The following CAMTA1 variants were observed in gnomAD, a reference collection of about 807,000 sequenced individuals.
The protein encoded by CAMTA1 is calmodulin binding transcription activator 1.
Under a neutral mutation model 170.9 loss-of-function variants are expected in CAMTA1, and 27 were observed. That is an observed-to-expected ratio of 0.16 (90% CI 0.12 to 0.22). CAMTA1 has a LOEUF of 0.22. Among genes scored for constraint, CAMTA1 ranks in the 10% least tolerant of loss-of-function variants. CAMTA1 has a pLI of 1.00. For synonymous variants in CAMTA1, 833 were observed against 891.5 expected, an observed-to-expected ratio of 0.93 and a Z score of 1.17; for missense variants, 1,619 against 2,217.2, an observed-to-expected ratio of 0.73 and a Z score of 5.42.
At position 7,255,172 on chromosome 1, in the gene CAMTA1, G is replaced by C. The variant is rs146126220; in HGVS notation, c.438+5546G>C. Among the ~76,000 whole-genome samples the C allele has an allele frequency of 1.4e-4, 21 of 152,226 alleles. No homozygotes were observed. In the East Asian group the frequency reaches 3.9e-3, roughly 28 times the overall value. Reference sequence around the variant, plus strand: ...GGCTAGGAGAGGGAGAGCATTAGGAGAAATACCTAATGTAGATGACAGGTT... The same window carrying C: ...GGCTAGGAGAGGGAGAGCATTAGGACAAATACCTAATGTAGATGACAGGTT... On this transcript the variant is annotated intron_variant, in intron 5 of 22. Transcript: ENST00000303635.
chr1:7,289,085 G>A (rs1221209187), intron 5 of CAMTA1, among the ~76,000 whole-genome samples: 1 of 152,002 alleles, frequency 6.6e-6, no homozygotes, highest in Non-Finnish European at 1.5e-5. Context: ...AGAGAGGGGA[G>A]GGAGGTGCCA....
rs78223869 is a variant in CAMTA1 at position 6,883,308 on chromosome 1, T to C, written c.234+58098T>C. ...GGTAGCGGGGCGATCGTTGGTGACT[T>C]TGATAAGAGCTGTATGAGTGAAATG... On this transcript the variant is annotated intron_variant, in intron 3 of 22. Transcript: ENST00000303635. 4.7e-3 allele frequency among the ~76,000 whole-genome samples: 712 copies of C among 152,260 alleles called. 4 individuals carry two copies. Among genetic ancestry groups the C allele is most frequent in the Middle Eastern group, 0.017 (5 of 294 alleles).
intron 3 of CAMTA1, among the ~76,000 whole-genome samples, chr1:6,837,786 A>C (rs570658459): frequency 1.3e-5 from 2 of 152,034 alleles, no homozygotes; most frequent in Non-Finnish European, 2.9e-5. Flanking sequence ...TTATTAATCA[A>C]ATTTTTTTGT....
intron 3 of CAMTA1, among the ~76,000 whole-genome samples, chr1:7,025,517 G>T (rs955034950): frequency 7.2e-5 from 11 of 152,188 alleles, no homozygotes; most frequent in African/African-American, 2.7e-4. Flanking sequence ...GGTAGAGGAG[G>T]GTGGATGTAG....
rs1646181577 is a variant in CAMTA1, at chr1:7,146,295, A to T, written c.302+54924A>T. Among the ~76,000 whole-genome samples the T allele has an allele frequency of 6.6e-6, 1 of 152,180 alleles. No homozygotes were observed. On this transcript the variant is annotated intron_variant, in intron 4 of 22. Transcript: ENST00000303635. This position sits in a 1 kb window ranked among gnomAD's most constrained non-coding sequence, Gnocchi z 4.3. ...AGCCAGTCTCCCTCTTGGCTTATGT[A>T]GATCAACCAGAGCCTTGGGATATGA...
intron 4 of CAMTA1, among the ~76,000 whole-genome samples, chr1:7,196,477 G>T (rs1189801317): frequency 6.6e-6 from 1 of 152,220 alleles, no homozygotes; most frequent in Non-Finnish European, 1.5e-5. Context: ...GGACATTCCA[G>T]TTAGCAGGAG....
Position 7,764,959 on chromosome 1 carries a change from C to CA in CAMTA1, c.4990-1486dup, listed in dbSNP as rs1012158937. Reference sequence around the variant, plus strand: ...TGGGCAACAGAGTTAGACTCCGTCTCAAAAAAAAAAAAAAGTTTTACTTTA... The same window carrying CA: ...TGGGCAACAGAGTTAGACTCCGTCTCAAAAAAAAAAAAAAAGTTTTACTTTA... On this transcript the variant is annotated intron_variant, in intron 22 of 22. Coordinates refer to ENST00000303635, the MANE Select transcript of CAMTA1 (RefSeq NM_015215.4). Among the ~76,000 whole-genome samples the CA allele has an allele frequency of 8.1e-3, 966 of 119,062 alleles. 2 individuals carry two copies. Among genetic ancestry groups the CA allele is most frequent in the African/African-American group, 0.019 (603 of 32,214 alleles). The allele number at this position is 119,062 out of a possible 152,430, so 78.1% of individuals were successfully genotyped here.
chr1:7,338,437 G>T (rs971007959), intron 5 of CAMTA1, among the ~76,000 whole-genome samples: 1 of 152,168 alleles, frequency 6.6e-6, no homozygotes, highest in African/African-American at 2.4e-5. Flanking sequence ...CAGGAGCATC[G>T]CTGAGCTTTT....
chr1:7,432,207 A>G (rs1213782920), intron 5 of CAMTA1, among the ~76,000 whole-genome samples: 3 of 152,188 alleles, frequency 2.0e-5, no homozygotes, highest in Non-Finnish European at 4.4e-5. Flanking sequence ...GAGCATCCGT[A>G]TTCTCTTTTA....
At chr1:7,372,656 G>A (rs1442584265) in intron 5 of CAMTA1, among the ~76,000 whole-genome samples, 2 of 152,200 alleles carry the variant, frequency 1.3e-5, no homozygotes, top group Non-Finnish European at 1.5e-5. Context: ...ATGGAGCCCC[G>A]TGCCAGCGCT....
At chr1:7,746,900 G>A (rs1279262387) in intron 18 of CAMTA1, among the ~76,000 whole-genome samples, 1 of 152,184 alleles carries the variant, frequency 6.6e-6, no homozygotes, top group Non-Finnish European at 1.5e-5. Flanking sequence ...GCCTCCCAAA[G>A]TGCTGGGATT....
chr1:7,669,617 C>T (rs2096037107), intron 9 of CAMTA1, among the ~76,000 whole-genome samples: 1 of 152,260 alleles, frequency 6.6e-6, no homozygotes, highest in Admixed American at 6.5e-5. Flanking sequence ...AGGCTCCAGC[C>T]TGCCTGGCGG....
At chr1:7,406,629 GAC>G (rs897796609) in intron 5 of CAMTA1, among the ~76,000 whole-genome samples, 22 of 151,958 alleles carry the variant, frequency 1.4e-4, no homozygotes, top group Non-Finnish European at 2.2e-4. Context: ...CATGCATGCA[GAC>G]ACACACGAGC....
chr1:6,804,938 A>T (rs1644346083), intron 1 of CAMTA1, among the ~76,000 whole-genome samples: 1 of 152,132 alleles, frequency 6.6e-6, no homozygotes, highest in Admixed American at 6.5e-5. Flanking sequence ...GTTAATAGAC[A>T]TTTGAGTTAT....
At chr1:7,186,077 G>A (rs1653198429) in intron 4 of CAMTA1, among the ~76,000 whole-genome samples, 1 of 152,136 alleles carries the variant, frequency 6.6e-6, no homozygotes, top group Non-Finnish European at 1.5e-5. Flanking sequence ...CAGGGGCATC[G>A]TGGCTTTGCC....
chr1:6,872,465 C>T (rs1668684400), intron 3 of CAMTA1, among the ~76,000 whole-genome samples: 1 of 152,134 alleles, frequency 6.6e-6, no homozygotes, highest in Non-Finnish European at 1.5e-5. Context: ...CCCAAATTCA[C>T]CTTTCCCCAC....
In CAMTA1 at chr1:7,559,919, G is replaced by C. The variant is rs148717331; in HGVS notation, c.511-80481G>C. Among the ~76,000 whole-genome samples, 78 of 152,336 alleles carry C rather than the reference G, an allele frequency of 5.1e-4. No individual in the cohort carries two copies. The East Asian group carries it at 0.014, about 28-fold the overall frequency. ...AAGTCAGACTCGCAGCGAGTTTCCG[G>C]AACCTGTCTGGGTTCTTGGATGAGA... On this transcript the variant is annotated intron_variant, in intron 6 of 22. Transcript: ENST00000303635.
intron 3 of CAMTA1, among the ~76,000 whole-genome samples, chr1:6,989,933 G>A (rs1696072191): frequency 6.6e-6 from 1 of 152,178 alleles, no homozygotes. Context: ...AAGGAGAATG[G>A]GGGAGTGGGG....
chr1:7,181,584 TAAG>T lies in CAMTA1; in HGVS notation c.303-67904_303-67902del, dbSNP rs1652169916. Among the ~76,000 whole-genome samples, 3 of 152,210 alleles carry T rather than the reference TAAG, an allele frequency of 2.0e-5. No homozygotes were observed. In the South Asian group the frequency reaches 6.2e-4, roughly 32 times the overall value. On this transcript the variant is annotated intron_variant, in intron 4 of 22. Coordinates refer to ENST00000303635, the MANE Select transcript of CAMTA1 (RefSeq NM_015215.4). ...ACTTATTAACTTTCTTGTACATAAA[TAAG>T]AACCACATAAATAACCAGTTTGAGG...
Sources: gnomAD v4.1 joint callset for allele counts (sites outside exome capture counted in the v4.1 genomes callset) on GRCh38, gnomAD v4.1.1 for gene constraint, Gnocchi (gnomAD v3.1) non-coding constraint, MANE v1.5 for transcripts, NCBI Gene and HGNC (gene_info 2026-07-23, HGNC 2026-07-21) for gene names.